The following KYNU variants were observed in gnomAD, a reference collection of about 807,000 sequenced individuals.
KYNU encodes L-kynurenine hydrolase.
A neutral mutation model predicts 59.2 loss-of-function variants in KYNU; 54 were observed. The ratio of observed to expected loss-of-function variants is 0.91; its 90% CI spans 0.73 to 1.14. The LOEUF (loss-of-function observed/expected upper bound fraction) is 1.14, where lower values mean the gene tolerates loss of function less well. Among genes scored for constraint, KYNU ranks in the 50% most tolerant of loss-of-function variants. The pLI, the probability that KYNU is intolerant of heterozygous loss-of-function variation, is 0.00. For synonymous variants in KYNU, 177 were observed against 192.0 expected, an observed-to-expected ratio of 0.92 and a Z score of 0.65; for missense variants, 567 against 554.4, an observed-to-expected ratio of 1.02 and a Z score of -0.23.
intron 1 of KYNU, among the ~76,000 whole-genome samples, chr2:142,878,525 G>A (rs928050224): frequency 1.3e-5 from 2 of 152,024 alleles, no homozygotes. Context: ...TTTTAAGTCA[G>A]GTTCTAAACT....
chr2:142,982,484 TGGGAATTTA>T lies in KYNU; in HGVS notation c.730-2598_730-2590del, dbSNP rs1276452185. ...TATTCATTGTTCCAGTTTGTGCTTCTGGGAATTTAGTGGAAACAGAGACTTGCTTTTTTA... is the reference window on the plus strand; with the variant it reads ...TATTCATTGTTCCAGTTTGTGCTTCTGTGGAAACAGAGACTTGCTTTTTTA... On this transcript the variant is annotated intron_variant, in intron 8 of 13. Transcript: ENST00000264170. 2.6e-5 allele frequency among the ~76,000 whole-genome samples: 4 copies of T among 152,244 alleles called. No homozygotes were observed. The East Asian group carries it at 7.7e-4, about 29-fold the overall frequency.
At chr2:142,901,208 A>G (rs1279128946) in intron 2 of KYNU, among the ~76,000 whole-genome samples, 1 of 152,180 alleles carries the variant, frequency 6.6e-6, no homozygotes, top group Non-Finnish European at 1.5e-5. Flanking sequence ...GATGGGTGCT[A>G]TTAATGCCTA....
intron 2 of KYNU, among the ~76,000 whole-genome samples, chr2:142,914,796 G>C (rs1159350401): frequency 6.6e-6 from 1 of 152,206 alleles, no homozygotes; most frequent in Non-Finnish European, 1.5e-5. Flanking sequence ...TGTTCTGACT[G>C]TGCTAGAGAC....
At chr2:142,926,347 G>C (rs1309715258) in intron 3 of KYNU, among the ~76,000 whole-genome samples, 1 of 151,918 alleles carries the variant, frequency 6.6e-6, no homozygotes, top group Admixed American at 6.6e-5. Flanking sequence ...AATCATCTTT[G>C]CAATATTTAT....
At chr2:142,909,403 T>C (rs1682408500) in intron 2 of KYNU, among the ~76,000 whole-genome samples, 1 of 152,202 alleles carries the variant, frequency 6.6e-6, no homozygotes, top group African/African-American at 2.4e-5. Flanking sequence ...AAGTTTGTTA[T>C]ATGGGTAAAC....
At chr2:142,901,940 T>C (rs1463431237) in intron 2 of KYNU, among the ~76,000 whole-genome samples, 1 of 152,216 alleles carries the variant, frequency 6.6e-6, no homozygotes, top group Non-Finnish European at 1.5e-5. Context: ...TTGACAGTTA[T>C]GTTTTATCTT....
intron 2 of KYNU, among the ~76,000 whole-genome samples, chr2:142,889,878 A>AT (rs879271223): frequency 8.7e-4 from 130 of 148,660 alleles, no homozygotes; most frequent in African/African-American, 2.6e-3. Flanking sequence ...CCAATATGAG[A>AT]TTTTTTTTTT....
At chr2:142,934,400 T>G (rs1683319327) in intron 4 of KYNU, among the ~76,000 whole-genome samples, 1 of 152,058 alleles carries the variant, frequency 6.6e-6, no homozygotes, top group South Asian at 2.1e-4. Flanking sequence ...CAGAGGGGTC[T>G]GGGTTGGTGC....
intron 12 of KYNU, 35 bp from the exon 13 acceptor site, chr2:143,040,393 A>G (rs1306181106): frequency 6.7e-7 from 1 of 1,496,454 alleles, no homozygotes; most frequent in Admixed American, 1.7e-5. Context: ...GTAAATCAAT[A>G]AGACACTTTA....
At chr2:142,965,127 A>G (rs1684486155) in intron 8 of KYNU, among the ~76,000 whole-genome samples, 1 of 152,188 alleles carries the variant, frequency 6.6e-6, no homozygotes, top group Non-Finnish European at 1.5e-5. Flanking sequence ...CAGGCTACTC[A>G]TACAATAGGA....
chr2:142,965,201 A>G (rs371128976), intron 8 of KYNU, among the ~76,000 whole-genome samples: 3 of 152,304 alleles, frequency 2.0e-5, no homozygotes, highest in East Asian at 3.9e-4. Flanking sequence ...AATATGCTCC[A>G]AAGAGATTTG....
intron 13 of KYNU, among the ~76,000 whole-genome samples, chr2:143,041,261 A>G (rs1357626584): frequency 6.6e-6 from 1 of 152,048 alleles, no homozygotes; most frequent in Non-Finnish European, 1.5e-5. Context: ...ATCTACTTCC[A>G]ATGATTATGT....
intron 3 of KYNU, among the ~76,000 whole-genome samples, chr2:142,920,148 T>A (rs988213122): frequency 6.6e-6 from 1 of 152,194 alleles, no homozygotes; most frequent in African/African-American, 2.4e-5. Context: ...AGTTCTTAAT[T>A]TTAGTGATTA....
chr2:143,033,113 C>G, intron 11 of KYNU, 123 bp from the exon 12 acceptor site: 2 of 772,118 alleles, frequency 2.6e-6, no homozygotes, highest in Admixed American at 3.7e-5. Flanking sequence ...TCTTAAATAT[C>G]TCAGAAATCC....
intron 2 of KYNU, among the ~76,000 whole-genome samples, chr2:142,912,788 C>A (rs1320724921): frequency 7.1e-6 from 1 of 141,696 alleles, no homozygotes; most frequent in African/African-American, 2.7e-5. Context: ...CGGCTCATTG[C>A]AAGCTCTGCC....
intron 10 of KYNU, among the ~76,000 whole-genome samples, chr2:143,011,953 A>G (rs937613377): frequency 6.8e-6 from 1 of 146,898 alleles, no homozygotes; most frequent in African/African-American, 2.5e-5. Context: ...TGGGAGATAT[A>G]CCTAATGCTA....
intron 2 of KYNU, among the ~76,000 whole-genome samples, chr2:142,894,604 T>C (rs1179859148): frequency 6.6e-6 from 1 of 152,202 alleles, no homozygotes; most frequent in African/African-American, 2.4e-5. Flanking sequence ...TCTTTAGGGT[T>C]AACCAGTTTT....
chr2:143,034,420 T>A (rs577797106), intron 12 of KYNU, among the ~76,000 whole-genome samples: 13 of 152,306 alleles, frequency 8.5e-5, no homozygotes, highest in African/African-American at 2.9e-4. Flanking sequence ...AATTGCATAA[T>A]TCTGTGAACA....
rs190499171 is a variant in KYNU at position 142,989,671 on chromosome 2, A to T, written c.902+3650A>T. The T allele has an allele frequency of 2.6e-4, 55 of 210,942 alleles. 1 individual carries two copies. The highest frequency in any genetic ancestry group is 1.2e-3 in the African/African-American group (53 of 42,560). The allele number at this position is 210,942 out of a possible 1,614,324, so 13.1% of individuals were successfully genotyped here. A position where few individuals can be genotyped will look rare whatever the true frequency, so the allele number is the denominator to read the frequency against. ...AATAATTGTGCAGTTTAAGCCTTCA[A>T]TAAAGAGGTAGAATGTGATGAAAAT... On this transcript the variant is annotated intron_variant, in intron 10 of 13. Coordinates refer to ENST00000264170, the MANE Select transcript of KYNU (RefSeq NM_003937.3).
Sources: gnomAD v4.1 joint callset for allele counts (sites outside exome capture counted in the v4.1 genomes callset) on GRCh38, gnomAD v4.1.1 for gene constraint, MANE v1.5 for transcripts, NCBI Gene and HGNC (gene_info 2026-07-23, HGNC 2026-07-21) for gene names.